MROH7: variants seen among roughly 807,000 people sequenced by gnomAD.
MROH7 encodes the protein maestro heat like repeat family member 7.
MROH7 carries 113 observed loss-of-function variants against 129.2 expected under a neutral mutation model. The ratio of observed to expected loss-of-function variants is 0.87; its 90% CI spans 0.75 to 1.02. The LOEUF is 1.02. Among genes scored for constraint, MROH7 ranks in the 50% least tolerant of loss-of-function variants. The probability of loss-of-function intolerance (pLI) is 0.00; values close to 1 mark genes in which losing one functional copy is unlikely to be tolerated. For synonymous variants in MROH7, 655 were observed against 667.9 expected (o/e 0.98, Z 0.30); for missense variants, 1,601 against 1,671.3 (o/e 0.96, Z 0.73).
chr1:54,697,982 G>A (rs2304311), intron 17 of MROH7: 66,734 of 349,304 alleles, frequency 0.19, 6,990 homozygotes, highest in South Asian at 0.22. Context: ...AAGGGTCTTG[G>A]CCCAGGTTCA....
intron 3 of MROH7, among the ~76,000 whole-genome samples, chr1:54,660,859 C>G (rs1219802711): frequency 6.6e-6 from 1 of 151,996 alleles, no homozygotes; most frequent in Admixed American, 6.6e-5. Flanking sequence ...AATAAAAAAT[C>G]ATAGTCATTC....
At position 54,665,576 on chromosome 1, in the gene MROH7, G is replaced by A. The variant is rs932718999; in HGVS notation, c.1305+336G>A. 4.2e-5 allele frequency: 8 copies of A among 190,134 alleles called. No homozygotes were observed. In the East Asian group the frequency reaches 4.3e-4, roughly 10 times the overall value. 11.8% of individuals were successfully genotyped at this position (190,134 alleles called of 1,614,324 possible). On this transcript the variant is annotated intron_variant, in intron 4 of 23. Transcript: ENST00000421030. ...ATGAATTGTGAGAGGGGCTCTGAAA[G>A]GGGCAGAAAGTCTAGAAGTGGCCTT... is the stretch of plus-strand genomic sequence containing the variant.
At chr1:54,709,832 G>T in intron 23 of MROH7, 114 bp from the exon 24 acceptor site, 1 of 1,241,664 alleles carries the variant, frequency 8.1e-7, no homozygotes, top group South Asian at 1.4e-5. Flanking sequence ...TGAGATGAGG[G>T]GATGCCAAGC....
chr1:54,660,036 G>A (rs772706247), intron 3 of MROH7, among the ~76,000 whole-genome samples: 46 of 152,302 alleles, frequency 3.0e-4, no homozygotes, highest in African/African-American at 9.6e-4. Context: ...TAGTGCAGGC[G>A]TATTTATAGC....
chr1:54,685,898 C>T (rs1179026600), intron 14 of MROH7, among the ~76,000 whole-genome samples: 1 of 152,256 alleles, frequency 6.6e-6, no homozygotes, highest in East Asian at 1.9e-4. Flanking sequence ...GGGCTGGTGA[C>T]CTTGAGCTAG....
chr1:54,665,314 C>G, intron 4 of MROH7, 74 bp downstream of exon 4: 2 of 1,168,058 alleles, frequency 1.7e-6, no homozygotes, highest in South Asian at 2.6e-5. Context: ...CCCCCCAGCC[C>G]AGCAGCCTCC....
At chr1:54,654,438 GA>G (rs1644609823) in intron 3 of MROH7, among the ~76,000 whole-genome samples, 1 of 152,228 alleles carries the variant, frequency 6.6e-6, no homozygotes, top group African/African-American at 2.4e-5. Context: ...CTGGGAGGCT[GA>G]GGCAGGTGGA....
intron 15 of MROH7, among the ~76,000 whole-genome samples, chr1:54,690,222 G>A (rs1320810668): frequency 3.3e-5 from 5 of 151,960 alleles, no homozygotes; most frequent in Admixed American, 3.3e-4. Flanking sequence ...GAAGCAGCAC[G>A]GGCGCCATTT....
intron 7 of MROH7, among the ~76,000 whole-genome samples, chr1:54,671,438 TG>T (rs1644902846): frequency 6.6e-6 from 1 of 152,150 alleles, no homozygotes; most frequent in Non-Finnish European, 1.5e-5. Flanking sequence ...TGTCCACTTC[TG>T]GGCCCTGCCC....
rs1313582976 is a variant in MROH7 at position 54,670,873 on chromosome 1, C to T, written c.1543C>T (p.Leu515=). Residue 515 remains leucine (L), a synonymous_variant, in exon 7 of 24, where the codon CTG becomes TTG. Coordinates refer to ENST00000421030, the MANE Select transcript of MROH7 (RefSeq NM_001039464.4). ...VNVCVHSVFS[L]PSVQAMQEKD... Reference sequence around the variant, plus strand: ...CGTGTGTGTGCACAGCGTGTTCTCCCTGCCCTCCGTGCAGGCGATGCAGGA... The same window carrying T: ...CGTGTGTGTGCACAGCGTGTTCTCCTTGCCCTCCGTGCAGGCGATGCAGGA... The T allele has an allele frequency of 1.9e-6, 3 of 1,613,218 alleles. No homozygotes were observed. The highest frequency in any genetic ancestry group is 1.3e-5 in the African/African-American group (1 of 74,928).
chr1:54,707,757 G>C (rs12041622), intron 22 of MROH7, among the ~76,000 whole-genome samples: 16,999 of 152,118 alleles, frequency 0.11, 1,151 homozygotes, highest in East Asian at 0.33. Context: ...TCCCAGAGCA[G>C]TGCAATGATT....
chr1:54,670,003 CAAAAA>C (rs34295281), intron 5 of MROH7, among the ~76,000 whole-genome samples: 180 of 105,262 alleles, frequency 1.7e-3, no homozygotes, highest in African/African-American at 5.8e-3. Flanking sequence ...GACTTCATGT[CAAAAA>C]AAAAAAAAAA....
At chr1:54,665,361 C>T (rs529756072) in intron 4 of MROH7, 121 bp downstream of exon 4, 10 of 659,924 alleles carry the variant, frequency 1.5e-5, no homozygotes, top group African/African-American at 1.3e-4. Flanking sequence ...TCCTTTTCTC[C>T]ATAACATTCA....
At chr1:54,659,153 GGT>G (rs1208574784) in intron 3 of MROH7, 23 of 420,108 alleles carry the variant, frequency 5.5e-5, no homozygotes, top group Middle Eastern at 7.9e-4. Context: ...GGAGTGCAAT[GGT>G]GCGATCTCGG....
At chr1:54,695,713 G>A (rs1293142975) in intron 17 of MROH7, 2 of 582,856 alleles carry the variant, frequency 3.4e-6, no homozygotes, top group Non-Finnish European at 6.3e-6. Context: ...TAGTGCCCAG[G>A]GAACCACCAA....
intron 21 of MROH7, among the ~76,000 whole-genome samples, chr1:54,704,533 G>A (rs112926662): frequency 0.012 from 1,865 of 150,550 alleles, 36 homozygotes; most frequent in African/African-American, 0.043. Context: ...CACCTTAGGG[G>A]GTTCAAGAGA....
intron 7 of MROH7, among the ~76,000 whole-genome samples, chr1:54,671,256 C>T (rs971687979): frequency 1.4e-4 from 22 of 152,154 alleles, no homozygotes; most frequent in Admixed American, 3.9e-4. Context: ...AAAACTTAGC[C>T]GGGCGTGGCA....
rs1456849016 is a variant in MROH7 at position 54,674,094 on chromosome 1, G to C, written c.1879G>C (p.Gly627Arg). The change falls in exon 10 of 24, where the codon GGC becomes CGC. Residue 627 changes from glycine to arginine, a missense_variant. Coordinates refer to ENST00000421030, the MANE Select transcript of MROH7 (RefSeq NM_001039464.4). ...CATTGGGGATCCTGATGAGGAGATT[G>C]GCTGTGAGGCTCTGGACGGCATCAT... is the stretch of plus-strand genomic sequence containing the variant. ...LHIGDPDEEI[G>R]CEALDGIIIL... 6.2e-7 allele frequency: 1 copy of C among 1,613,950 alleles called. No individual in the cohort carries two copies. The highest frequency in any genetic ancestry group is 1.3e-5 in the African/African-American group (1 of 74,936).
chr1:54,700,089 A>G, intron 17 of MROH7: 1 of 695,370 alleles, frequency 1.4e-6, no homozygotes, highest in South Asian at 1.6e-5. Flanking sequence ...CTCATGGGAA[A>G]GGCAACAACA....
Sources: gnomAD v4.1 joint callset for allele counts (sites outside exome capture counted in the v4.1 genomes callset) on GRCh38, gnomAD v4.1.1 for gene constraint, MANE v1.5 for transcripts, NCBI Gene and HGNC (gene_info 2026-07-23, HGNC 2026-07-21) for gene names.